ELOVL6: variants seen among roughly 807,000 people sequenced by gnomAD.
ELOVL6 encodes the protein ELOVL fatty acid elongase 6.
ELOVL6 carries 8 observed loss-of-function variants against 31.7 expected under a neutral mutation model. The observed-to-expected ratio is 0.25, with a 90% CI of 0.15 to 0.45. The LOEUF (loss-of-function observed/expected upper bound fraction) is 0.45, where lower values mean the gene tolerates loss of function less well. Among genes scored for constraint, ELOVL6 ranks in the 20% least tolerant of loss-of-function variants. The pLI is 1.00. For missense variants in ELOVL6, 126 were observed against 326.4 expected (o/e 0.39, Z 4.73); for synonymous variants, 101 against 117.7 (o/e 0.86, Z 0.92).
intron 1 of ELOVL6, among the ~76,000 whole-genome samples, chr4:110,106,913 TG>T (rs879768667): frequency 6.6e-6 from 1 of 152,174 alleles, no homozygotes; most frequent in Non-Finnish European, 1.5e-5. Flanking sequence ...ATGATTCGAC[TG>T]AAAGCAACAG....
chr4:110,057,343 G>C (rs1449438104), intron 3 of ELOVL6, among the ~76,000 whole-genome samples: 1 of 151,852 alleles, frequency 6.6e-6, no homozygotes, highest in Non-Finnish European at 1.5e-5. Flanking sequence ...AAAAAATTGA[G>C]GGGGAAGTAG....
chr4:110,176,624 T>A (rs1226480239), intron 1 of ELOVL6, among the ~76,000 whole-genome samples: 1 of 152,206 alleles, frequency 6.6e-6, no homozygotes, highest in Non-Finnish European at 1.5e-5. Context: ...ATCCCCCTCC[T>A]TTGCCAACAG....
rs79764752 is a variant in ELOVL6, at chr4:110,083,092, T to G, written c.221+22405A>C. Among the ~76,000 whole-genome samples, 223 of 151,824 alleles carry G rather than the reference T, an allele frequency of 1.5e-3. 2 individuals carry two copies. The East Asian group carries it at 0.037, about 25-fold the overall frequency. On this transcript the variant is annotated intron_variant, in intron 2 of 3. Transcript: ENST00000302274. ...TATTCACTTAAAAAAAAAGCAAACTTTTTCTATGCCGACTACATACTAGGT... is the reference window on the plus strand; with the variant it reads ...TATTCACTTAAAAAAAAAGCAAACTGTTTCTATGCCGACTACATACTAGGT...
At chr4:110,100,019 A>G (rs532745234) in intron 2 of ELOVL6, among the ~76,000 whole-genome samples, 12 of 152,332 alleles carry the variant, frequency 7.9e-5, no homozygotes, top group Admixed American at 6.5e-4. Context: ...ATTTACCCTA[A>G]GGAAATGTTC....
At chr4:110,153,306 TATAC>T (rs146691299) in intron 1 of ELOVL6, among the ~76,000 whole-genome samples, 1,677 of 152,310 alleles carry the variant, frequency 0.011, 29 homozygotes, top group African/African-American at 0.036. Context: ...TATGAGACCT[TATAC>T]ATAATTTAAT....
Position 110,051,789 on chromosome 4 carries a change from G to T in ELOVL6, c.374-27C>A. ...TGGAAGACAAAGAGGAAGAAGGTAC[G>T]TGAGATCCTTGACCACCAGTAACGA... On this transcript the variant is annotated intron_variant, in intron 3 of 3. Coordinates refer to ENST00000302274, the MANE Select transcript of ELOVL6 (RefSeq NM_024090.3). This position sits in a 1 kb window ranked among gnomAD's most constrained non-coding sequence, Gnocchi z 4.8. 1.3e-6 allele frequency: 2 copies of T among 1,590,610 alleles called. No homozygotes were observed. The highest frequency in any genetic ancestry group is 1.7e-6 in the Non-Finnish European group (2 of 1,165,526).
intron 2 of ELOVL6, among the ~76,000 whole-genome samples, chr4:110,081,572 C>T (rs1249279626): frequency 2.6e-5 from 4 of 151,442 alleles, no homozygotes; most frequent in African/African-American, 7.3e-5. Flanking sequence ...CCCTTCCTTA[C>T]ACCTTATACA....
chr4:110,055,083 A>C (rs1371716571), intron 3 of ELOVL6, among the ~76,000 whole-genome samples: 1 of 152,038 alleles, frequency 6.6e-6, no homozygotes. Flanking sequence ...GCAGGGGGAA[A>C]CTGGTGGGGC....
At chr4:110,087,439 A>C (rs1037003702) in intron 2 of ELOVL6, among the ~76,000 whole-genome samples, 5 of 152,160 alleles carry the variant, frequency 3.3e-5, no homozygotes, top group Non-Finnish European at 7.4e-5. Flanking sequence ...CTATTCTTGT[A>C]CCCTGACTCA....
chr4:110,096,440 C>A (rs192824712), intron 2 of ELOVL6, among the ~76,000 whole-genome samples: 268 of 152,242 alleles, frequency 1.8e-3, no homozygotes, highest in African/African-American at 6.2e-3. Context: ...GCAAAGGATG[C>A]AGTTTTAGAC....
At chr4:110,105,861 A>T (rs1756871872) in intron 1 of ELOVL6, among the ~76,000 whole-genome samples, 1 of 152,244 alleles carries the variant, frequency 6.6e-6, no homozygotes, top group African/African-American at 2.4e-5. Flanking sequence ...CAGGATAGAT[A>T]TATTTCCTTT....
rs956999483 is a variant in ELOVL6 at position 110,151,925 on chromosome 4, G to A, written c.90-46297C>T. ...TTGTACAGGGTACATTTAATCATCA[G>A]TCAGTGAATATTAATATTACACAAG... On this transcript the variant is annotated intron_variant, in intron 1 of 3. Coordinates refer to ENST00000302274, the MANE Select transcript of ELOVL6 (RefSeq NM_024090.3). Among the ~76,000 whole-genome samples the A allele has an allele frequency of 3.3e-4, 51 of 152,286 alleles. 1 individual carries two copies. Among genetic ancestry groups the A allele is most frequent in the Admixed American group, 1.8e-3 (28 of 15,294 alleles).
At chr4:110,081,183 A>T (rs1022469165) in intron 2 of ELOVL6, among the ~76,000 whole-genome samples, 11 of 152,166 alleles carry the variant, frequency 7.2e-5, no homozygotes, top group Non-Finnish European at 1.3e-4. Context: ...TAATTTATAA[A>T]TTCAATGCCA....
At chr4:110,186,061 G>T (rs1326451112) in intron 1 of ELOVL6, among the ~76,000 whole-genome samples, 1 of 151,932 alleles carries the variant, frequency 6.6e-6, no homozygotes, top group African/African-American at 2.4e-5. Context: ...ATGGTGGCAG[G>T]CACCTGTAGT....
intron 2 of ELOVL6, chr4:110,093,123 T>C (rs748558340): frequency 6.6e-6 from 3 of 452,872 alleles, no homozygotes; most frequent in African/African-American, 2.0e-5. Flanking sequence ...CTGTTTCAAG[T>C]TGTTATAGCA....
intron 1 of ELOVL6, among the ~76,000 whole-genome samples, chr4:110,155,353 C>T (rs771119163): frequency 8.6e-5 from 13 of 151,784 alleles, no homozygotes; most frequent in Non-Finnish European, 4.4e-5. Context: ...TATACTAATA[C>T]AGAAGGGATA....
chr4:110,159,022 T>G (rs1171399420), intron 1 of ELOVL6, among the ~76,000 whole-genome samples: 1 of 152,138 alleles, frequency 6.6e-6, no homozygotes, highest in Admixed American at 6.6e-5. Context: ...ATCTCAGCTC[T>G]TACTTTGCAT....
chr4:110,183,114 T>C (rs534285996), intron 1 of ELOVL6, among the ~76,000 whole-genome samples: 96 of 152,236 alleles, frequency 6.3e-4, no homozygotes, highest in African/African-American at 2.1e-3. Flanking sequence ...CTAGATGACT[T>C]TATTTAAAAA....
chr4:110,197,395 T>C (rs983121748), intron 1 of ELOVL6, among the ~76,000 whole-genome samples: 1 of 152,076 alleles, frequency 6.6e-6, no homozygotes, highest in African/African-American at 2.4e-5. Context: ...ACAAGAAAGG[T>C]GTTTTCCCTG....
Sources: gnomAD v4.1 joint callset for allele counts (sites outside exome capture counted in the v4.1 genomes callset) on GRCh38, gnomAD v4.1.1 for gene constraint, Gnocchi (gnomAD v3.1) non-coding constraint, MANE v1.5 for transcripts, NCBI Gene and HGNC (gene_info 2026-07-23, HGNC 2026-07-21) for gene names.